CHN2: variants seen among roughly 807,000 people sequenced by gnomAD.
CHN2 encodes the protein chimerin 2, also known as beta-chimaerin.
In CHN2, 35 loss-of-function variants were observed where a neutral mutation model predicts 56.3. The ratio of observed to expected loss-of-function variants is 0.62; its 90% confidence interval spans 0.47 to 0.82. The LOEUF (loss-of-function observed/expected upper bound fraction) is 0.82, where lower values mean the gene tolerates loss of function less well. Ranked by LOEUF, CHN2 falls within the 40% of genes least tolerant of loss-of-function variation. The pLI is 0.00. For missense variants in CHN2, 491 were observed against 580.5 expected, an observed-to-expected ratio of 0.85 and a Z score of 1.58; for synonymous variants, 210 against 212.8, an observed-to-expected ratio of 0.99 and a Z score of 0.12.
rs547281851 is a variant in CHN2, at chr7:29,267,927, A to C, written c.49+72937A>C. Among the ~76,000 whole-genome samples the C allele has an allele frequency of 5.1e-4, 77 of 152,292 alleles. 1 individual carries two copies. The South Asian group carries it at 0.011, about 21-fold the overall frequency. On this transcript the variant is annotated intron_variant, in intron 1 of 12. Transcript: ENST00000222792. ...GATAACAGTAATCAGGTTTTATACT[A>C]AAGTCCCCAGTTAGGCAGAGTAAAC... is the stretch of plus-strand genomic sequence containing the variant.
chr7:29,488,546 C>G (rs1473066860), intron 7 of CHN2, among the ~76,000 whole-genome samples: 2 of 152,150 alleles, frequency 1.3e-5, no homozygotes, highest in Non-Finnish European at 2.9e-5. Context: ...AACAAACAAA[C>G]AAACTGCCTC....
chr7:29,166,435 T>G (rs1374669837), intron 2 of CHN2, among the ~76,000 whole-genome samples: 1 of 152,132 alleles, frequency 6.6e-6, no homozygotes, highest in Non-Finnish European at 1.5e-5. Context: ...GAAGCCATCT[T>G]GGCTTGATGT....
chr7:29,246,764 G>T (rs967089581), intron 1 of CHN2, among the ~76,000 whole-genome samples: 3 of 152,212 alleles, frequency 2.0e-5, no homozygotes, highest in Admixed American at 2.0e-4. Context: ...TCTGATGAGA[G>T]CCTTCTTCCT....
intron 1 of CHN2, among the ~76,000 whole-genome samples, chr7:29,315,627 A>T (rs2128890143): frequency 6.6e-6 from 1 of 152,306 alleles, no homozygotes; most frequent in African/African-American, 2.4e-5. Flanking sequence ...AAAATGGGGT[A>T]TTCTGATAAT....
chr7:29,338,951 G>A (rs1443720191), intron 1 of CHN2, among the ~76,000 whole-genome samples: 1 of 151,778 alleles, frequency 6.6e-6, no homozygotes, highest in East Asian at 1.9e-4. Flanking sequence ...ATTAATAAAG[G>A]CTAAGATATC....
At chr7:29,198,320 T>G (rs1039579620) in intron 1 of CHN2, among the ~76,000 whole-genome samples, 2 of 152,254 alleles carry the variant, frequency 1.3e-5, no homozygotes, top group African/African-American at 4.8e-5. Flanking sequence ...TGCTCAGCAT[T>G]AAGGTCAAAG....
chr7:29,497,600 C>A (rs1470021706), intron 8 of CHN2, among the ~76,000 whole-genome samples: 2 of 151,982 alleles, frequency 1.3e-5, no homozygotes, highest in South Asian at 4.2e-4. Context: ...AAAAACTGAT[C>A]ATGAAAGGTT....
At chr7:29,496,088 A>G in intron 8 of CHN2, 52 bp downstream of exon 8, 3 of 1,453,394 alleles carry the variant, frequency 2.1e-6, no homozygotes, top group Non-Finnish European at 2.9e-6. Context: ...CACTGTGCTG[A>G]GCTGGAGGAT....
intron 2 of CHN2, among the ~76,000 whole-genome samples, chr7:29,148,997 C>T (rs1394230294): frequency 6.6e-6 from 1 of 152,036 alleles, no homozygotes; most frequent in African/African-American, 2.4e-5. Flanking sequence ...AATGAGCAGG[C>T]CACCTGCACT....
intron 1 of CHN2, among the ~76,000 whole-genome samples, chr7:29,350,148 A>T (rs773618645): frequency 6.6e-6 from 1 of 152,222 alleles, no homozygotes; most frequent in Non-Finnish European, 1.5e-5. Context: ...AGGATGAATG[A>T]TGTGTCAGAG....
At chr7:29,236,952 C>T (rs1787240520) in intron 1 of CHN2, among the ~76,000 whole-genome samples, 1 of 152,212 alleles carries the variant, frequency 6.6e-6, no homozygotes, top group Admixed American at 6.5e-5. Flanking sequence ...CAAAATCCTT[C>T]ATCATAGCTG....
At chr7:29,363,184 G>T (rs566314465) in intron 2 of CHN2, among the ~76,000 whole-genome samples, 1 of 152,170 alleles carries the variant, frequency 6.6e-6, no homozygotes, top group Non-Finnish European at 1.5e-5. Flanking sequence ...GGACACATAT[G>T]CATTAAACAT....
chr7:29,405,374 A>G (rs1802571496), intron 6 of CHN2, among the ~76,000 whole-genome samples: 1 of 152,260 alleles, frequency 6.6e-6, no homozygotes, highest in East Asian at 1.9e-4. Context: ...TAATGATAGC[A>G]CAGGGCGCAC....
At chr7:29,250,099 T>C (rs1479501008) in intron 1 of CHN2, among the ~76,000 whole-genome samples, 1 of 152,242 alleles carries the variant, frequency 6.6e-6, no homozygotes, top group Non-Finnish European at 1.5e-5. Flanking sequence ...TTTGCTTCTG[T>C]TCACTACCAG....
At chr7:29,272,679 A>G (rs1319792712) in intron 1 of CHN2, among the ~76,000 whole-genome samples, 1 of 152,214 alleles carries the variant, frequency 6.6e-6, no homozygotes, top group African/African-American at 2.4e-5. Context: ...AGGTGCCAAA[A>G]TATTTTGTAT....
rs181069711 is a variant in CHN2, at chr7:29,446,158, G to A, written c.577-34121G>A. Among the ~76,000 whole-genome samples, 39 of 152,230 alleles carry A rather than the reference G, an allele frequency of 2.6e-4. No individual in the cohort carries two copies. In the East Asian group the frequency reaches 7.3e-3, roughly 29 times the overall value. On this transcript the variant is annotated intron_variant, in intron 6 of 12. Coordinates refer to ENST00000222792, the MANE Select transcript of CHN2 (RefSeq NM_004067.4). ...TGATTTCAGTGTACACCCAAGTGTT[G>A]ATAAAAGACTACACATTAGTGTACA...
intron 6 of CHN2, among the ~76,000 whole-genome samples, chr7:29,436,008 T>C (rs534956908): frequency 6.6e-6 from 1 of 152,024 alleles, no homozygotes; most frequent in South Asian, 2.1e-4. Context: ...AGCAGTCTTC[T>C]CTCACTAGAT....
Position 29,324,756 on chromosome 7 carries a change from T to G in CHN2, c.50-29869T>G, listed in dbSNP as rs557499489. On this transcript the variant is annotated intron_variant, in intron 1 of 12. Transcript: ENST00000222792. ...ACCCCCTGCAGGTGGTAATCCAAGC[T>G]TCTGGGCATTTATTCTAGAAAGAGT... is the stretch of plus-strand genomic sequence containing the variant. 1.9e-3 allele frequency among the ~76,000 whole-genome samples: 285 copies of G among 152,336 alleles called. 1 individual carries two copies. Among genetic ancestry groups the G allele is most frequent in the African/African-American group, 6.3e-3 (263 of 41,574 alleles).
At chr7:29,267,521 G>A (rs1430219072) in intron 1 of CHN2, among the ~76,000 whole-genome samples, 1 of 152,128 alleles carries the variant, frequency 6.6e-6, no homozygotes, top group African/African-American at 2.4e-5. Context: ...GGGAGTACAG[G>A]CGTGAGTCAC....
Sources: gnomAD v4.1 joint callset for allele counts (sites outside exome capture counted in the v4.1 genomes callset) on GRCh38, gnomAD v4.1.1 for gene constraint, MANE v1.5 for transcripts, NCBI Gene and HGNC (gene_info 2026-07-23, HGNC 2026-07-21) for gene names.